Variants in DBNL observed in about 807,000 individuals in gnomAD.
DBNL encodes drebrin like, also known as drebrin-like protein.
DBNL carries 35 observed loss-of-function variants against 62.2 expected under a neutral mutation model. The ratio of observed to expected loss-of-function variants is 0.56; its 90% CI spans 0.43 to 0.75. The LOEUF (loss-of-function observed/expected upper bound fraction) is 0.75, where lower values mean the gene tolerates loss of function less well. Ranked by LOEUF, DBNL falls within the 30% of genes least tolerant of loss-of-function variation. The pLI, the probability that DBNL is intolerant of heterozygous loss-of-function variation, is 0.00. For synonymous variants in DBNL, 197 were observed against 218.0 expected, an observed-to-expected ratio of 0.90 and a Z score of 0.85; for missense variants, 495 against 578.4, an observed-to-expected ratio of 0.86 and a Z score of 1.48.
At chr7:44,056,925 C>T in intron 5 of DBNL, 22 bp downstream of exon 5, 1 of 1,612,702 alleles carries the variant, frequency 6.2e-7, no homozygotes, top group Non-Finnish European at 8.5e-7. Flanking sequence ...TTGCCCATCG[C>T]CAGCCCTTTT....
intron 1 of DBNL, among the ~76,000 whole-genome samples, chr7:44,046,209 G>T (rs1008553622): frequency 1.3e-5 from 2 of 152,164 alleles, no homozygotes; most frequent in African/African-American, 4.8e-5. Context: ...GAACCCAGAA[G>T]AATCTTTGCC....
At chr7:44,047,051 C>T (rs1238350261) in intron 1 of DBNL, among the ~76,000 whole-genome samples, 1 of 152,186 alleles carries the variant, frequency 6.6e-6, no homozygotes, top group Non-Finnish European at 1.5e-5. Flanking sequence ...CTTCTTGGCC[C>T]CGAGGTTGCC....
At position 44,066,100 on chromosome 7, in the gene DBNL, T is replaced by A. The variant is rs2096159472; in HGVS notation, c.*5184T>A. The A allele has an allele frequency of 5.2e-6, 1 of 190,788 alleles. No individual in the cohort carries two copies. Among genetic ancestry groups the A allele is most frequent in the Non-Finnish European group, 1.1e-5 (1 of 90,042 alleles). 11.8% of individuals were successfully genotyped at this position (190,788 alleles called of 1,614,324 possible). On this transcript the variant is annotated 3_prime_UTR_variant, in exon 13 of 13. Transcript: ENST00000448521. ...AAGGTACCAGGCAGCAGCAGCAGAA[T>A]GGGCAAGGGCTGGGGCTGAGCCGGG...
rs761472071 is a variant in DBNL, at chr7:44,060,973, G to A, written c.*57G>A. The A allele has an allele frequency of 1.3e-6, 2 of 1,583,610 alleles. No homozygotes were observed. Among genetic ancestry groups the A allele is most frequent in the South Asian group, 2.3e-5 (2 of 87,628 alleles). ...AGACATGGCTTCCTTATTGCTGGAA[G>A]AGGAGGCCTGGGAGTTGACATTCAG... On this transcript the variant is annotated 3_prime_UTR_variant, in exon 13 of 13. Transcript: ENST00000448521. The surrounding 1 kb of genome is among the most constrained non-coding windows in gnomAD (Gnocchi z 6.3).
Position 44,050,257 on chromosome 7 carries a change from A to T in DBNL, c.116A>T (p.Asp39Val). 2 of 1,613,784 alleles carry T rather than the reference A, an allele frequency of 1.2e-6. No individual in the cohort carries two copies. The highest frequency in any genetic ancestry group is 1.7e-6 in the Non-Finnish European group (2 of 1,179,750). ...TTTACCTATGAAGGCAACAGCAATGACATCCGCGTGGCTGGCACAGGGGGT... is the reference window on the plus strand; with the variant it reads ...TTTACCTATGAAGGCAACAGCAATGTCATCCGCGTGGCTGGCACAGGGGGT... ...ALFTYEGNSNDIRVAGTGEGG... is the reference protein window; with the variant it reads ...ALFTYEGNSNVIRVAGTGEGG... Residue 39 changes from aspartate to valine, a missense_variant, in exon 2 of 13, where the codon GAC (aspartate) becomes GTC (valine). Transcript: ENST00000448521.
rs553252166 is a variant in DBNL, at chr7:44,059,720, G to A, written c.1047+62G>A. 36 of 1,463,654 alleles carry A rather than the reference G, an allele frequency of 2.5e-5. No individual in the cohort carries two copies. In the South Asian group the frequency reaches 2.6e-4, roughly 11 times the overall value. 90.7% of individuals were successfully genotyped at this position (1,463,654 alleles called of 1,614,324 possible). Reference sequence around the variant, plus strand: ...CTGCATACTCAGGAACACTTATCACGGGCCGCCTGAGTTTTCTGGGGGCAT... The same window carrying A: ...CTGCATACTCAGGAACACTTATCACAGGCCGCCTGAGTTTTCTGGGGGCAT... On this transcript the variant is annotated intron_variant, in intron 11 of 12. Coordinates refer to ENST00000448521, the MANE Select transcript of DBNL (RefSeq NM_001014436.3). This position sits in a 1 kb window ranked among gnomAD's most constrained non-coding sequence, Gnocchi z 4.1.
chr7:44,055,713 C>T (rs767200671), intron 4 of DBNL, among the ~76,000 whole-genome samples: 17 of 152,102 alleles, frequency 1.1e-4, no homozygotes, highest in East Asian at 9.6e-4. Flanking sequence ...TATCATCTTT[C>T]GAGAAATATC....
chr7:44,064,796 C>CCCCCCCCCGCCCCCGCGCCGGG lies in DBNL; in HGVS notation c.*3880_*3881insCCCCCCCCGCCCCCGCGCCGGG. ...TGAGAAGCCAGCTGGGGCTGCTGCC[C>CCCCCCCCCGCCCCCGCGCCGGG]ACCCACCCTGCCCAGGCTCCTGAAG... is the stretch of plus-strand genomic sequence containing the variant. On this transcript the variant is annotated 3_prime_UTR_variant, in exon 13 of 13. Coordinates refer to ENST00000448521, the MANE Select transcript of DBNL (RefSeq NM_001014436.3). 1 of 1,158,932 alleles carries CCCCCCCCCGCCCCCGCGCCGGG rather than the reference C, an allele frequency of 8.6e-7. No individual in the cohort carries two copies. The highest frequency in any genetic ancestry group is 1.5e-5 in the African/African-American group (1 of 66,830). The allele number at this position is 1,158,932 out of a possible 1,614,324, so 71.8% of individuals were successfully genotyped here.
At chr7:44,056,559 G>A (rs2128792847) in intron 4 of DBNL, among the ~76,000 whole-genome samples, 198 bp from the exon 5 acceptor site, 1 of 152,284 alleles carries the variant, frequency 6.6e-6, no homozygotes, top group East Asian at 1.9e-4. Flanking sequence ...AAGAATGAGG[G>A]GTTTGCTCCA....
intron 1 of DBNL, among the ~76,000 whole-genome samples, chr7:44,046,582 A>G (rs1200448979): frequency 6.6e-6 from 1 of 151,468 alleles, no homozygotes; most frequent in African/African-American, 2.4e-5. Flanking sequence ...CACCCATCTC[A>G]CTGGACTCAT....
In DBNL at chr7:44,058,247, A is replaced by G; in HGVS notation, c.671A>G (p.Tyr224Cys). The G allele has an allele frequency of 6.3e-7, 1 of 1,579,474 alleles. No homozygotes were observed. The highest frequency in any genetic ancestry group is 2.3e-5 in the East Asian group (1 of 43,688). Residue 224 changes from tyrosine (Y) to cysteine (C), a missense_variant, in exon 7 of 13, where the codon TAT becomes TGT. By Grantham distance (194) the Tyr-to-Cys change is radical. Transcript: ENST00000448521. ...GAGGCTGCACGCCGGGAGCAGCGCT[A>G]TCAGGAGCAGGGTGGCGAGGCCAGC... ...LREAARREQR[Y>C]QEQGGEASPQ...
In DBNL at chr7:44,059,246, C is replaced by A; in HGVS notation, c.836-108C>A. On this transcript the variant is annotated intron_variant, in intron 9 of 12. Transcript: ENST00000448521. The surrounding 1 kb of genome is among the most constrained non-coding windows in gnomAD (Gnocchi z 4.1). ...GCCTCTGTTCCTGCACTAGCAAGAG[C>A]AAGCCCCATGAGACTGCCTCGAGCA... 1 of 1,173,298 alleles carries A rather than the reference C, an allele frequency of 8.5e-7. No homozygotes were observed. The highest frequency in any genetic ancestry group is 1.2e-6 in the Non-Finnish European group (1 of 823,176). 72.7% of individuals were successfully genotyped at this position (1,173,298 alleles called of 1,614,324 possible).
In DBNL at chr7:44,060,209, A is replaced by G. The variant is rs2096145994; in HGVS notation, c.1153+56A>G. ...CACAGGGTCCTGAGGTTAGGAGACA[A>G]GAGGGTCTGGGGTTTTATGGGAAGA... On this transcript the variant is annotated intron_variant, in intron 12 of 12. Coordinates refer to ENST00000448521, the MANE Select transcript of DBNL (RefSeq NM_001014436.3). The surrounding 1 kb of genome is among the most constrained non-coding windows in gnomAD (Gnocchi z 6.3). 1 of 1,514,452 alleles carries G rather than the reference A, an allele frequency of 6.6e-7. No homozygotes were observed. Among genetic ancestry groups the G allele is most frequent in the African/African-American group, 1.4e-5 (1 of 72,806 alleles). The allele number at this position is 1,514,452 out of a possible 1,614,324, so 93.8% of individuals were successfully genotyped here. A position where few individuals can be genotyped will look rare whatever the true frequency, so the allele number is the denominator to read the frequency against.
chr7:44,065,724 C>T lies in DBNL; in HGVS notation c.*4808C>T. The T allele has an allele frequency of 1.6e-6, 1 of 626,252 alleles. No homozygotes were observed. Among genetic ancestry groups the T allele is most frequent in the Non-Finnish European group, 2.9e-6 (1 of 349,894 alleles). 38.8% of individuals were successfully genotyped at this position (626,252 alleles called of 1,614,324 possible). On this transcript the variant is annotated 3_prime_UTR_variant, in exon 13 of 13. Coordinates refer to ENST00000448521, the MANE Select transcript of DBNL (RefSeq NM_001014436.3). The stretch of plus-strand genomic sequence containing the variant: ...GGAGTGTGCAGGCCAAGAGGCTGTG[C>T]TTAAAATAGCCCCACGCATCCACCA...
Position 44,061,120 on chromosome 7 carries a change from C to A in DBNL, c.*204C>A. The A allele has an allele frequency of 1.5e-6, 1 of 665,022 alleles. No individual in the cohort carries two copies. 41.2% of individuals were successfully genotyped at this position (665,022 alleles called of 1,614,324 possible). On this transcript the variant is annotated 3_prime_UTR_variant, in exon 13 of 13. Transcript: ENST00000448521. ...TGGTGATTCCCACACATCCTTCCTG[C>A]ATCCCCCGACCCTCCCAGACAGCTT...
Position 44,068,292 on chromosome 7 carries a change from G to A in DBNL, c.*7376G>A, listed in dbSNP as rs940775863. On this transcript the variant is annotated 3_prime_UTR_variant, in exon 13 of 13. Transcript: ENST00000448521. ...GGAGGTCTTGGTAGGGATGTTGCAG[G>A]GAGCTGTTGTGTTTCAGGGAGAGTA... 1 of 151,744 alleles carries A rather than the reference G, an allele frequency of 6.6e-6. No individual in the cohort carries two copies. Among genetic ancestry groups the A allele is most frequent in the Non-Finnish European group, 1.5e-5 (1 of 67,970 alleles). 9.4% of individuals were successfully genotyped at this position (151,744 alleles called of 1,614,324 possible).
chr7:44,064,929 G>T lies in DBNL; in HGVS notation c.*4013G>T. On this transcript the variant is annotated 3_prime_UTR_variant, in exon 13 of 13. Transcript: ENST00000448521. ...TCTGGGGAACAATCTCCTCGTTCCA[G>T]AAGGGCAGGGCCCGGGCAATGGTGT... 6.2e-7 allele frequency: 1 copy of T among 1,610,688 alleles called. No individual in the cohort carries two copies.
rs757119245 is a variant in DBNL, at chr7:44,065,381, A to G, written c.*4465A>G. 4 of 1,614,034 alleles carry G rather than the reference A, an allele frequency of 2.5e-6. No individual in the cohort carries two copies. Among genetic ancestry groups the G allele is most frequent in the Non-Finnish European group, 2.5e-6 (3 of 1,180,034 alleles). On this transcript the variant is annotated 3_prime_UTR_variant, in exon 13 of 13. Transcript: ENST00000448521. ...TGACGTGTAGCAGATGTCAAACTCC[A>G]TCTTGGCATCCTTGATGGCCTTGGC...
chr7:44,053,852 A>G (rs1279647863), intron 4 of DBNL, among the ~76,000 whole-genome samples: 1 of 151,490 alleles, frequency 6.6e-6, no homozygotes, highest in Non-Finnish European at 1.5e-5. Flanking sequence ...AATTTTTTGT[A>G]TTTTTAGTAG....
Sources: allele counts gnomAD v4.1 joint callset (sites outside exome capture counted in the v4.1 genomes callset), GRCh38; gene constraint gnomAD v4.1.1; non-coding constraint Gnocchi (gnomAD v3.1); transcripts MANE v1.5; gene names NCBI Gene and HGNC (gene_info 2026-07-23, HGNC 2026-07-21).